TNIK: variants seen among roughly 807,000 people sequenced by gnomAD.
TNIK encodes TRAF2 and NCK interacting kinase.
A neutral mutation model predicts 191.3 loss-of-function variants in TNIK; 49 were observed. The ratio of observed to expected loss-of-function variants is 0.26; its 90% CI spans 0.20 to 0.32. The LOEUF (loss-of-function observed/expected upper bound fraction) is 0.32, where lower values mean the gene tolerates loss of function less well. Among genes scored for constraint, TNIK ranks in the 10% least tolerant of loss-of-function variants. The pLI is 1.00. For synonymous variants in TNIK, 594 were observed against 600.9 expected (o/e 0.99, Z 0.17); for missense variants, 1,155 against 1,702.3 (o/e 0.68, Z 5.66).
chr3:171,198,556 G>A (rs571207423), intron 4 of TNIK, among the ~76,000 whole-genome samples: 3 of 152,152 alleles, frequency 2.0e-5, no homozygotes, highest in Admixed American at 6.5e-5. Flanking sequence ...TTATGTTTAT[G>A]TTACCAAAAT....
Position 171,068,850 on chromosome 3 carries a change from G to C in TNIK, c.3697C>G (p.His1233Asp). ...AAAGTCTACTTCTGAGTACTTACAT[G>C]AGATGGTATGTAGATATCATAAGAG... ...GNSYDIYIPS[H>D]IQGNITPHAI... is the part of the protein sequence containing the mutation. The change falls in exon 30 of 33, where the codon CAT (histidine) becomes GAT (aspartate). Residue 1233 changes from histidine (H) to aspartate (D), a missense_variant and splice_region_variant. Coordinates refer to ENST00000436636, the MANE Select transcript of TNIK (RefSeq NM_015028.4). 1 of 1,612,346 alleles carries C rather than the reference G, an allele frequency of 6.2e-7. No individual in the cohort carries two copies. Among genetic ancestry groups the C allele is most frequent in the Non-Finnish European group, 8.5e-7 (1 of 1,179,116 alleles).
chr3:171,088,165 CAA>C (rs1199290924), intron 23 of TNIK, among the ~76,000 whole-genome samples: 3 of 151,968 alleles, frequency 2.0e-5, no homozygotes, highest in Non-Finnish European at 1.5e-5. Flanking sequence ...TAGGCAGTAA[CAA>C]AGTCATAACT....
chr3:171,304,865 G>A (rs1260871414), intron 2 of TNIK, among the ~76,000 whole-genome samples: 2 of 152,038 alleles, frequency 1.3e-5, no homozygotes, highest in African/African-American at 2.4e-5. Flanking sequence ...TTGTGGGGTG[G>A]GGGGAGTGGG....
chr3:171,276,285 T>A (rs1300468323), intron 2 of TNIK, among the ~76,000 whole-genome samples: 3 of 150,440 alleles, frequency 2.0e-5, no homozygotes, highest in Non-Finnish European at 4.4e-5. Flanking sequence ...GAACCTGAAA[T>A]GAAGACAGGA....
intron 2 of TNIK, among the ~76,000 whole-genome samples, chr3:171,243,879 T>G (rs1745269165): frequency 6.6e-6 from 1 of 152,080 alleles, no homozygotes; most frequent in African/African-American, 2.4e-5. Flanking sequence ...GGAAACATAA[T>G]AATTAAAGAA....
chr3:171,085,087 G>GT (rs1721167600), intron 25 of TNIK, 31 bp downstream of exon 25: 2 of 1,558,694 alleles, frequency 1.3e-6, no homozygotes, highest in South Asian at 1.2e-5. Context: ...AGACGAAGCT[G>GT]TTTTTTAAAC....
At chr3:171,237,043 CT>C (rs1260959235) in intron 2 of TNIK, among the ~76,000 whole-genome samples, 4 of 152,188 alleles carry the variant, frequency 2.6e-5, no homozygotes, top group African/African-American at 9.7e-5. Context: ...GTCTCATTCA[CT>C]TAATAGACTT....
chr3:171,407,127 G>C (rs1721802190), intron 1 of TNIK, among the ~76,000 whole-genome samples: 1 of 152,120 alleles, frequency 6.6e-6, no homozygotes, highest in Admixed American at 6.5e-5. Context: ...GTTCTCCACT[G>C]GTATGTGGGT....
At chr3:171,296,361 AC>A (rs1182343316) in intron 2 of TNIK, among the ~76,000 whole-genome samples, 1 of 152,100 alleles carries the variant, frequency 6.6e-6, no homozygotes, top group Non-Finnish European at 1.5e-5. Context: ...TCCTGAACCT[AC>A]CCTTCCCCCC....
In TNIK at chr3:171,211,704, C is replaced by T. The variant is rs185258429; in HGVS notation, c.181-463G>A. Among the ~76,000 whole-genome samples the T allele has an allele frequency of 1.0e-3, 158 of 152,126 alleles. 2 individuals are homozygous for T. The highest frequency in any genetic ancestry group is 3.5e-3 in the African/African-American group (147 of 41,494). On this transcript the variant is annotated intron_variant, in intron 3 of 32. Transcript: ENST00000436636. Reference sequence around the variant, plus strand: ...TTTGAAGGCTCCTTTCATTGAAGTACCTGACTGAAGATGATGAAAGTCAGA... The same window carrying T: ...TTTGAAGGCTCCTTTCATTGAAGTATCTGACTGAAGATGATGAAAGTCAGA...
chr3:171,437,524 C>T (rs566728436), intron 1 of TNIK, among the ~76,000 whole-genome samples: 1 of 145,556 alleles, frequency 6.9e-6, no homozygotes, highest in African/African-American at 2.6e-5. Context: ...TAAGCTAATA[C>T]ATGCAACTGC....
rs949520924 is a variant in TNIK at position 171,159,948 on chromosome 3, T to C, written c.1016+1322A>G. ...CTGGCTCGTTGAGTGACTCCTAATA[T>C]GCAGTTTAGCAAGTGTTAGAAAGAC... On this transcript the variant is annotated intron_variant, in intron 11 of 32. Coordinates refer to ENST00000436636, the MANE Select transcript of TNIK (RefSeq NM_015028.4). The surrounding 1 kb of genome is among the most constrained non-coding windows in gnomAD (Gnocchi z 4.1). Among the ~76,000 whole-genome samples, 82 of 152,326 alleles carry C rather than the reference T, an allele frequency of 5.4e-4. No homozygotes were observed. Among genetic ancestry groups the C allele is most frequent in the African/African-American group, 1.9e-3 (80 of 41,586 alleles).
chr3:171,212,982 T>C (rs1223857932), intron 3 of TNIK, among the ~76,000 whole-genome samples: 8 of 152,154 alleles, frequency 5.3e-5, no homozygotes, highest in Non-Finnish European at 8.8e-5. Context: ...AAATAGAATA[T>C]ATGCTTGGGA....
intron 1 of TNIK, among the ~76,000 whole-genome samples, chr3:171,451,714 C>G (rs1205936698): frequency 1.3e-5 from 2 of 152,196 alleles, no homozygotes; most frequent in African/African-American, 2.4e-5. Context: ...CAAGTGCAGG[C>G]TCTCTTCTCC....
At chr3:171,289,565 T>G (rs751420818) in intron 2 of TNIK, among the ~76,000 whole-genome samples, 2 of 152,154 alleles carry the variant, frequency 1.3e-5, no homozygotes, top group African/African-American at 2.4e-5. Context: ...AGAAAACATG[T>G]CTTAAACCAC....
At chr3:171,228,117 C>G (rs778395694) in intron 3 of TNIK, 48 bp downstream of exon 3, 33 of 1,603,202 alleles carry the variant, frequency 2.1e-5, no homozygotes, top group Non-Finnish European at 2.0e-5. Flanking sequence ...CATCATAAGT[C>G]AAGGAGCATC....
intron 1 of TNIK, among the ~76,000 whole-genome samples, chr3:171,442,243 G>A (rs1252196745): frequency 1.3e-5 from 2 of 152,182 alleles, no homozygotes; most frequent in East Asian, 3.9e-4. Flanking sequence ...TTTTAAATCT[G>A]ATGCAACTTG....
intron 9 of TNIK, among the ~76,000 whole-genome samples, chr3:171,169,743 G>A (rs960797943): frequency 2.0e-5 from 3 of 152,196 alleles, no homozygotes; most frequent in Non-Finnish European, 2.9e-5. Context: ...GAATGGAATA[G>A]TGTTCAAGTT....
intron 32 of TNIK, among the ~76,000 whole-genome samples, chr3:171,064,343 C>T (rs949528219): frequency 1.3e-5 from 2 of 152,190 alleles, no homozygotes; most frequent in African/African-American, 4.8e-5. Context: ...AGCTTCCCTT[C>T]TCTCACCCTT....
Sources: allele counts gnomAD v4.1 joint callset (sites outside exome capture counted in the v4.1 genomes callset), GRCh38; gene constraint gnomAD v4.1.1; non-coding constraint Gnocchi (gnomAD v3.1); transcripts MANE v1.5; gene names NCBI Gene and HGNC (gene_info 2026-07-23, HGNC 2026-07-21).